The following ZNF341 variants were observed in gnomAD, a reference collection of about 807,000 sequenced individuals.
ZNF341 encodes zinc finger protein 341.
Under a neutral mutation model 87.7 loss-of-function variants are expected in ZNF341, and 52 were observed. That is an observed-to-expected ratio of 0.59 (90% CI 0.47 to 0.75). The LOEUF is 0.75. ZNF341 is among the 30% of genes least tolerant of loss of function. The probability of loss-of-function intolerance (pLI) is 0.00; values close to 1 mark genes in which losing one functional copy is unlikely to be tolerated. For missense variants in ZNF341, 977 were observed against 1,145.9 expected (o/e 0.85, Z 2.13); for synonymous variants, 459 against 472.7 (o/e 0.97, Z 0.38).
At position 33,735,221 on chromosome 20, in the gene ZNF341, G is replaced by A. The variant is rs138072853; in HGVS notation, c.31+3169G>A. Among the ~76,000 whole-genome samples the A allele has an allele frequency of 9.1e-3, 1,386 of 152,058 alleles. 21 individuals carry two copies. The highest frequency in any genetic ancestry group is 0.031 in the African/African-American group (1,300 of 41,466). ...AATTTTGTATTTTTTAGTAGAGACG[G>A]GGTTTCACCATGTTGGCCAGGCTAG... On this transcript the variant is annotated intron_variant, in intron 1 of 14. Coordinates refer to ENST00000375200, the MANE Select transcript of ZNF341 (RefSeq NM_001282933.2).
intron 11 of ZNF341, 115 bp downstream of exon 11, chr20:33,781,502 G>A: frequency 1.2e-6 from 1 of 844,174 alleles, no homozygotes; most frequent in East Asian, 2.6e-5. Flanking sequence ...CACGCAGGCA[G>A]GGCTCAGGGG....
chr20:33,775,813 C>T (rs1232926167), intron 10 of ZNF341, among the ~76,000 whole-genome samples: 1 of 151,988 alleles, frequency 6.6e-6, no homozygotes, highest in Non-Finnish European at 1.5e-5. Flanking sequence ...AATCCATCCC[C>T]CTCAGCCTCC....
intron 4 of ZNF341, among the ~76,000 whole-genome samples, chr20:33,750,611 G>A (rs1310656163): frequency 6.6e-6 from 1 of 150,998 alleles, no homozygotes; most frequent in Non-Finnish European, 1.5e-5. Flanking sequence ...CTACATACAT[G>A]GTGCCAACAT....
At chr20:33,751,952 A>G (rs1302274624) in intron 4 of ZNF341, among the ~76,000 whole-genome samples, 2 of 152,084 alleles carry the variant, frequency 1.3e-5, no homozygotes, top group Non-Finnish European at 2.9e-5. Context: ...AAGAGAAGGA[A>G]GTGTTCACCA....
At position 33,766,984 on chromosome 20, in the gene ZNF341, C is replaced by G; in HGVS notation, c.1356C>G (p.Ser452Arg). Residue 452 changes from serine (S) to arginine (R), a missense_variant, in exon 9 of 15, where the codon AGC becomes AGG. Coordinates refer to ENST00000375200, the MANE Select transcript of ZNF341 (RefSeq NM_001282933.2). Reference protein sequence around the residue: ...DSSYLCQFCPSKFSTYFQLKS... With the variant: ...DSSYLCQFCPRKFSTYFQLKS... ...CCTACCTGTGCCAATTCTGCCCCAG[C>G]AAATTCAGCACCTACTTCCAGCTCA... 1 of 1,614,188 alleles carries G rather than the reference C, an allele frequency of 6.2e-7. No homozygotes were observed.
intron 12 of ZNF341, among the ~76,000 whole-genome samples, chr20:33,786,239 A>G (rs918810203): frequency 1.3e-5 from 2 of 152,002 alleles, no homozygotes; most frequent in African/African-American, 4.8e-5. Context: ...CCTGACCTCA[A>G]GTGATCCCCC....
intron 1 of ZNF341, among the ~76,000 whole-genome samples, chr20:33,738,885 C>T (rs984215616): frequency 2.6e-5 from 4 of 152,192 alleles, no homozygotes; most frequent in African/African-American, 7.2e-5. Flanking sequence ...GCGCTGGCAG[C>T]GTCAGGAGGG....
At chr20:33,750,193 G>A (rs2122656369) in intron 4 of ZNF341, among the ~76,000 whole-genome samples, 1 of 152,282 alleles carries the variant, frequency 6.6e-6, no homozygotes, top group African/African-American at 2.4e-5. Context: ...CTGGGCTCAA[G>A]GGATCCTCTA....
At chr20:33,757,402 T>A in intron 6 of ZNF341, 59 bp downstream of exon 6, 1 of 1,365,302 alleles carries the variant, frequency 7.3e-7, no homozygotes, top group Non-Finnish European at 9.6e-7. Flanking sequence ...CACAAGCTAC[T>A]TGGTTCTGGT....
At chr20:33,781,455 A>G in intron 11 of ZNF341, 68 bp downstream of exon 11, 8 of 1,356,516 alleles carry the variant, frequency 5.9e-6, no homozygotes, top group South Asian at 1.2e-5. Flanking sequence ...GGTGGGGTGC[A>G]CACCTCACCC....
rs770089054 is a variant in ZNF341 at position 33,791,347 on chromosome 20, G to T, written c.2395G>T (p.Ala799Ser). ...CAAGCCGCCCTTCGCAGAGCCGGAC[G>T]CGGTGCTGTCCATCGTTGTGGGTGG... ...PGKPPFAEPD[A>S]VLSIVVGGAV... The change falls in exon 15 of 15, where the codon GCG (alanine) becomes TCG (serine). Residue 799 changes from alanine to serine, a missense_variant. This residue lies in a region of ZNF341 where 221 missense variants were observed against 212.7 expected (regional missense o/e 1.04). Coordinates refer to ENST00000375200, the MANE Select transcript of ZNF341 (RefSeq NM_001282933.2). 1 of 1,612,280 alleles carries T rather than the reference G, an allele frequency of 6.2e-7. No individual in the cohort carries two copies. Among genetic ancestry groups the T allele is most frequent in the Non-Finnish European group, 8.5e-7 (1 of 1,179,450 alleles).
In ZNF341 at chr20:33,791,288, CAG is replaced by C. The variant is rs747396609; in HGVS notation, c.2337_2338del (p.Ala781TrpfsTer33). ...CTGGGGCTGGAGGAGCTGAAGGACA[CAG>C]GGGCTGGGCTGGTGCCCGAGGCTGT... On this transcript the variant is annotated frameshift_variant, in exon 15 of 15. Transcript: ENST00000375200. LOFTEE classifies it high-confidence loss of function. The C allele has an allele frequency of 9.3e-6, 15 of 1,611,696 alleles. No individual in the cohort carries two copies. Among genetic ancestry groups the C allele is most frequent in the Admixed American group, 1.7e-5 (1 of 59,958 alleles).
intron 10 of ZNF341, among the ~76,000 whole-genome samples, chr20:33,775,603 G>A (rs2019612643): frequency 6.6e-6 from 1 of 151,690 alleles, no homozygotes; most frequent in Admixed American, 6.6e-5. Context: ...AGAGTGAACA[G>A]GAATTCTCCA....
intron 3 of ZNF341, among the ~76,000 whole-genome samples, chr20:33,748,218 C>T (rs775795356): frequency 1.3e-5 from 2 of 151,978 alleles, no homozygotes; most frequent in African/African-American, 2.4e-5. Flanking sequence ...ACTACAGGCG[C>T]GCACTACCAC....
chr20:33,785,555 T>C (rs921084516), intron 12 of ZNF341, among the ~76,000 whole-genome samples: 2 of 152,114 alleles, frequency 1.3e-5, no homozygotes, highest in Non-Finnish European at 2.9e-5. Flanking sequence ...CAAGATGGTC[T>C]CAAACTCCTG....
intron 14 of ZNF341, among the ~76,000 whole-genome samples, chr20:33,790,471 C>T: frequency 6.6e-6 from 1 of 152,082 alleles, no homozygotes; most frequent in Non-Finnish European, 1.5e-5. Flanking sequence ...CAGTGGCATC[C>T]CCCCACAGTT....
chr20:33,783,520 G>A (rs1039258653), intron 11 of ZNF341, among the ~76,000 whole-genome samples: 7 of 152,166 alleles, frequency 4.6e-5, no homozygotes, highest in South Asian at 4.1e-4. Context: ...AAGAACATCC[G>A]GGCAAAAGCT....
At chr20:33,762,614 C>T (rs116103807) in intron 8 of ZNF341, among the ~76,000 whole-genome samples, 2,127 of 151,702 alleles carry the variant, frequency 0.014, 53 homozygotes, top group African/African-American at 0.048. Context: ...GTTTGCTGCA[C>T]GTATCACCCC....
rs1601300912 is a variant in ZNF341 at position 33,791,574 on chromosome 20, C to T, written c.*57C>T. The T allele has an allele frequency of 1.4e-6, 2 of 1,469,868 alleles. No homozygotes were observed. 91.1% of individuals were successfully genotyped at this position (1,469,868 alleles called of 1,614,324 possible). A position where few individuals can be genotyped will look rare whatever the true frequency, so the allele number is the denominator to read the frequency against. ...CTGATGCTCCTGTTTGGGTCCAGGG[C>T]CCCTGGGGGCAGACCGGTGATCCTT... On this transcript the variant is annotated 3_prime_UTR_variant, in exon 15 of 15. Transcript: ENST00000375200.
Sources: allele counts gnomAD v4.1 joint callset (sites outside exome capture counted in the v4.1 genomes callset), GRCh38; gene constraint gnomAD v4.1.1; regional missense constraint gnomAD v4.1.1; transcripts MANE v1.5; gene names NCBI Gene and HGNC (gene_info 2026-07-23, HGNC 2026-07-21).